Variants in LRP2 observed in about 807,000 individuals in gnomAD.
The protein encoded by LRP2 is LDL receptor related protein 2.
Under a neutral mutation model 531.0 loss-of-function variants are expected in LRP2, and 172 were observed. That is an observed-to-expected ratio of 0.32 (90% CI 0.29 to 0.37). LRP2 has a LOEUF of 0.37. Ranked by LOEUF, LRP2 falls within the 10% of genes least tolerant of loss-of-function variation. The pLI is 1.00. For missense variants in LRP2, 5,167 were observed against 5,868.3 expected (o/e 0.88, Z 3.90); for synonymous variants, 1,992 against 2,027.6 (o/e 0.98, Z 0.47).
Position 169,206,813 on chromosome 2 carries a change from C to T in LRP2, c.6907G>A (p.Ala2303Thr), listed in dbSNP as rs1688407074. 5 of 1,614,090 alleles carry T rather than the reference C, an allele frequency of 3.1e-6. No individual in the cohort carries two copies. Among genetic ancestry groups the T allele is most frequent in the Non-Finnish European group, 4.2e-6 (5 of 1,180,018 alleles). ...TCTGTGTTCTCTGGTTCCTTGCTGG[C>T]TTGGAAGATCTTTTTCAAATTCCTA... is the stretch of plus-strand genomic sequence containing the variant. ...VDRNLKKIFQASKEPENTEPP... is the reference protein window; with the variant it reads ...VDRNLKKIFQTSKEPENTEPP... The change falls in exon 39 of 79, where the codon GCC (alanine) becomes ACC (threonine). Residue 2303 changes from alanine (A) to threonine (T), a missense_variant. This residue lies in a region of LRP2 where 2,811 missense variants were observed against 3,058.0 expected (regional missense o/e 0.92). Coordinates refer to ENST00000649046, the MANE Select transcript of LRP2 (RefSeq NM_004525.3).
At position 169,207,022 on chromosome 2, in the gene LRP2, A is replaced by G. The variant is rs751833488; in HGVS notation, c.6698T>C (p.Ile2233Thr). 4 of 1,614,104 alleles carry G rather than the reference A, an allele frequency of 2.5e-6. No homozygotes were observed. Among genetic ancestry groups the G allele is most frequent in the Non-Finnish European group, 3.4e-6 (4 of 1,180,044 alleles). Reference sequence around the variant, plus strand: ...CACTGCCAAGCCCCGTGGTGTGACAATGCCCTCTGACACAAGCACTGTTCG... The same window carrying G: ...CACTGCCAAGCCCCGTGGTGTGACAGTGCCCTCTGACACAAGCACTGTTCG... ...TNRTVLVSEG[I>T]VTPRGLAVDR... Residue 2233 changes from isoleucine (I) to threonine (T), a missense_variant, in exon 39 of 79, where the codon ATT becomes ACT. Ile to Thr is a moderately conservative substitution (Grantham distance 89, BLOSUM62 -1). Around this residue, in one of 6 missense-constraint regions of LRP2, gnomAD observed 2,811 missense variants for 3,058.0 expected, o/e 0.92. Coordinates refer to ENST00000649046, the MANE Select transcript of LRP2 (RefSeq NM_004525.3).
rs758068478 is a variant in LRP2 at position 169,246,768 on chromosome 2, A to G, written c.3127T>C (p.Tyr1043His). Residue 1043 changes from tyrosine (Y) to histidine (H), a missense_variant, in exon 21 of 79, where the codon TAT (tyrosine) becomes CAT (histidine). Physicochemically the swap from Tyr to His is moderately conservative, Grantham distance 83. Around this residue, in one of 6 missense-constraint regions of LRP2, gnomAD observed 2,811 missense variants for 3,058.0 expected, o/e 0.92. Transcript: ENST00000649046. ...CKNGRCVPNY[Y>H]LCDGVDDCHD... is the part of the protein sequence containing the mutation. ...CAATCATCGACTCCATCACAGAGAT[A>G]GTAATTGGGCACACATCTGCCATTT... 2 of 1,614,104 alleles carry G rather than the reference A, an allele frequency of 1.2e-6. No homozygotes were observed. The highest frequency in any genetic ancestry group is 1.7e-6 in the Non-Finnish European group (2 of 1,180,030).
intron 63 of LRP2, among the ~76,000 whole-genome samples, chr2:169,158,140 A>C (rs906138617): frequency 1.4e-4 from 21 of 151,532 alleles, no homozygotes; most frequent in African/African-American, 4.8e-4. Flanking sequence ...GGTGCAGTAA[A>C]ATACATAGAG....
chr2:169,128,785 A>C lies in LRP2; in HGVS notation c.13846T>G (p.Ser4616Ala). Residue 4616 changes from serine (S) to alanine (A), a missense_variant, in exon 79 of 79, where the codon TCA becomes GCA. Coordinates refer to ENST00000649046, the MANE Select transcript of LRP2 (RefSeq NM_004525.3). ...TTAGGCTTAGCAGGGAGCGAAGGTG[A>C]TGGAGGTGGTGTCGCAGCAACACTT... ...KESVAATPPPSPSLPAKPKPP... is the reference protein window; with the variant it reads ...KESVAATPPPAPSLPAKPKPP... The C allele has an allele frequency of 6.2e-7, 1 of 1,614,108 alleles. No homozygotes were observed. The highest frequency in any genetic ancestry group is 8.5e-7 in the Non-Finnish European group (1 of 1,180,000).
intron 70 of LRP2, among the ~76,000 whole-genome samples, chr2:169,144,993 T>C (rs537397198): frequency 2.6e-5 from 4 of 152,360 alleles, no homozygotes; most frequent in African/African-American, 4.8e-5. Context: ...CCATTTGTTA[T>C]GTGACTTAGG....
At position 169,207,141 on chromosome 2, in the gene LRP2, C is replaced by T. The variant is rs1688422833; in HGVS notation, c.6579G>A (p.Arg2193=). The part of the protein sequence containing the change: ...VLLKVTVDMP[R]HIVVDPKNRY... ...TGTTCTTGGGATCTACAACAATATG[C>T]CTAGGCATGTCCACTGTGACTTTAA... The change falls in exon 39 of 79, where the codon AGG becomes AGA. Residue 2193 remains arginine (R), a synonymous_variant. Transcript: ENST00000649046. 1 of 1,612,994 alleles carries T rather than the reference C, an allele frequency of 6.2e-7. No individual in the cohort carries two copies. The highest frequency in any genetic ancestry group is 8.5e-7 in the Non-Finnish European group (1 of 1,179,556).
chr2:169,331,227 C>T (rs1048216022), intron 1 of LRP2, among the ~76,000 whole-genome samples: 2 of 152,176 alleles, frequency 1.3e-5, no homozygotes, highest in South Asian at 2.1e-4. Context: ...TTTTCCCGTC[C>T]GTATTCATTA....
intron 1 of LRP2, 83 bp downstream of exon 1, chr2:169,362,238 C>G (rs1686187758): frequency 1.6e-6 from 2 of 1,241,278 alleles, no homozygotes; most frequent in African/African-American, 3.0e-5. Context: ...CCCGGACGCT[C>G]TCCCCTCCGG....
chr2:169,143,176 T>C (rs902610963), intron 70 of LRP2, among the ~76,000 whole-genome samples: 3 of 152,210 alleles, frequency 2.0e-5, no homozygotes, highest in African/African-American at 7.2e-5. Context: ...CCAAGATTTG[T>C]CACTACCCAA....
chr2:169,268,829 G>C (rs1683312120), intron 16 of LRP2, among the ~76,000 whole-genome samples: 1 of 152,180 alleles, frequency 6.6e-6, no homozygotes, highest in Non-Finnish European at 1.5e-5. Context: ...GTTTGCAGAT[G>C]ATATGACTGT....
chr2:169,167,230 T>C (rs978066797), intron 61 of LRP2, among the ~76,000 whole-genome samples: 1 of 152,312 alleles, frequency 6.6e-6, no homozygotes, highest in South Asian at 2.1e-4. Flanking sequence ...ACAAGGCTAG[T>C]TCCTAACAAG....
intron 31 of LRP2, among the ~76,000 whole-genome samples, chr2:169,227,549 A>G (rs962046325): frequency 6.6e-5 from 10 of 152,228 alleles, no homozygotes; most frequent in Non-Finnish European, 1.3e-4. Flanking sequence ...AGATATATGT[A>G]TAAGATATAT....
intron 75 of LRP2, among the ~76,000 whole-genome samples, chr2:169,137,944 A>G (rs189523866): frequency 3.3e-5 from 5 of 152,322 alleles, no homozygotes; most frequent in Admixed American, 2.6e-4. Flanking sequence ...AAATTCTGAA[A>G]GTGGTTTCCC....
intron 1 of LRP2, among the ~76,000 whole-genome samples, chr2:169,338,404 G>GAAAGAAAGAAAGAAAGAAAAGA (rs1553516032): frequency 6.7e-5 from 7 of 104,600 alleles, no homozygotes; most frequent in East Asian, 6.6e-4. Context: ...AAGAAAGAAA[G>GAAAGAAAGAAAGAAAGAAAAGA]AAAGAAAAGA....
intron 2 of LRP2, among the ~76,000 whole-genome samples, chr2:169,320,465 G>C (rs1684880181): frequency 6.6e-6 from 1 of 152,112 alleles, no homozygotes; most frequent in Non-Finnish European, 1.5e-5. Context: ...GTGAATATTA[G>C]AAATAATCAC....
intron 14 of LRP2, 53 bp from the exon 15 acceptor site, chr2:169,273,120 C>T: frequency 1.2e-6 from 2 of 1,606,150 alleles, no homozygotes; most frequent in East Asian, 4.5e-5. Context: ...TGTAATTATC[C>T]AAGACATGAA....
intron 77 of LRP2, among the ~76,000 whole-genome samples, chr2:169,131,750 T>C (rs1416440152): frequency 6.6e-6 from 1 of 152,144 alleles, no homozygotes; most frequent in Non-Finnish European, 1.5e-5. Flanking sequence ...CAAAGAACTG[T>C]CCCACTCAAT....
In LRP2 at chr2:169,246,979, G is replaced by T. The variant is rs142290901; in HGVS notation, c.2916C>A (p.Asn972Lys). The change falls in exon 21 of 79, where the codon AAC (asparagine) becomes AAA (lysine). Residue 972 changes from asparagine to lysine, a missense_variant. By Grantham distance (94) the Asn-to-Lys change is moderately conservative. Around this residue, in one of 6 missense-constraint regions of LRP2, gnomAD observed 2,811 missense variants for 3,058.0 expected, o/e 0.92. Coordinates refer to ENST00000649046, the MANE Select transcript of LRP2 (RefSeq NM_004525.3). The stretch of plus-strand genomic sequence containing the variant: ...TAGGATGCGTGGGTTGATTACAGGC[G>T]TTAGAACCTGCAAAAGCAAAGCCCC... ...SYDVNIQTGS[N>K]ACNQPTHPNG... is the part of the protein sequence containing the mutation. 2 of 1,614,008 alleles carry T rather than the reference G, an allele frequency of 1.2e-6. No individual in the cohort carries two copies. Among genetic ancestry groups the T allele is most frequent in the Non-Finnish European group, 1.7e-6 (2 of 1,180,000 alleles).
At chr2:169,231,059 T>C (rs563136138) in intron 31 of LRP2, among the ~76,000 whole-genome samples, 1 of 152,184 alleles carries the variant, frequency 6.6e-6, no homozygotes, top group South Asian at 2.1e-4. Context: ...TTTGGGAGGC[T>C]AAGGCAAGTG....
Sources: gnomAD v4.1 joint callset for allele counts (sites outside exome capture counted in the v4.1 genomes callset) on GRCh38, gnomAD v4.1.1 for gene constraint, gnomAD v4.1.1 regional missense constraint, MANE v1.5 for transcripts, NCBI Gene and HGNC (gene_info 2026-07-23, HGNC 2026-07-21) for gene names.